The following POLR3K variants were observed in gnomAD, a reference collection of about 807,000 sequenced individuals.
POLR3K encodes RNA polymerase III subunit K.
In POLR3K, 11 loss-of-function variants were observed where a neutral mutation model predicts 13.5. The ratio of observed to expected loss-of-function variants is 0.81; its 90% CI spans 0.51 to 1.35. The LOEUF (loss-of-function observed/expected upper bound fraction) is 1.35. Ranked by LOEUF, POLR3K falls within the 40% of genes most tolerant of loss-of-function variation. The pLI is 0.00. For missense variants in POLR3K, 144 were observed against 145.3 expected (o/e 0.99, Z 0.05); for synonymous variants, 56 against 51.5 (o/e 1.09, Z -0.38).
At chr16:51,442 T>C in intron 2 of POLR3K, 116 bp downstream of exon 2, 1 of 769,770 alleles carries the variant, frequency 1.3e-6, no homozygotes, top group Non-Finnish European at 2.1e-6. Flanking sequence ...CAAGAACCAT[T>C]TTCTATTTTT....
At chr16:53,049 C>G (rs1361697708) in intron 1 of POLR3K, 2 of 169,286 alleles carry the variant, frequency 1.2e-5, no homozygotes, top group African/African-American at 4.8e-5. Context: ...GTTGATGCGG[C>G]AAAGGGCAAC....
intron 1 of POLR3K, among the ~76,000 whole-genome samples, chr16:52,605 A>T (rs1314096421): frequency 1.3e-5 from 2 of 151,320 alleles, no homozygotes; most frequent in Non-Finnish European, 2.9e-5. Context: ...CTCTACTAAA[A>T]ATACAAAAAA....
chr16:53,120 C>T (rs1416261513), intron 1 of POLR3K: 1 of 240,484 alleles, frequency 4.2e-6, no homozygotes, highest in Non-Finnish European at 8.0e-6. Context: ...AGTGTCGGAA[C>T]CTGGTAGGCC....
At chr16:53,447 C>T (rs756259540) in intron 1 of POLR3K, 29 bp downstream of exon 1, 1 of 1,429,630 alleles carries the variant, frequency 7.0e-7, no homozygotes, top group Non-Finnish European at 9.1e-7. Flanking sequence ...GAGAGTCGCC[C>T]GCGCCCAGCG....
Position 46,915 on chromosome 16 carries a change from T to C in POLR3K, c.*515A>G, listed in dbSNP as rs1471310365. On this transcript the variant is annotated 3_prime_UTR_variant, in exon 3 of 3. Transcript: ENST00000293860. Reference sequence around the variant, plus strand: ...TGTTCAAATGTAAGTATGTAGTCTATTCTGGGATCACTGTGATTTGGGGTT... The same window carrying C: ...TGTTCAAATGTAAGTATGTAGTCTACTCTGGGATCACTGTGATTTGGGGTT... 6.6e-6 allele frequency: 1 copy of C among 152,212 alleles called. No individual in the cohort carries two copies. Among genetic ancestry groups the C allele is most frequent in the African/African-American group, 2.4e-5 (1 of 41,440 alleles). The allele number at this position is 152,212 out of a possible 1,614,324, so 9.4% of individuals were successfully genotyped here.
chr16:47,413 G>C lies in POLR3K; in HGVS notation c.*17C>G, dbSNP rs1191690997. The C allele has an allele frequency of 1.2e-6, 2 of 1,610,452 alleles. No homozygotes were observed. Among genetic ancestry groups the C allele is most frequent in the Admixed American group, 1.7e-5 (1 of 59,836 alleles). ...GACAAGGCAAGCACACACTAGGGCAGCTGGGCCATCCTGGCCCTAATCCCT... is the reference window on the plus strand; with the variant it reads ...GACAAGGCAAGCACACACTAGGGCACCTGGGCCATCCTGGCCCTAATCCCT... On this transcript the variant is annotated 3_prime_UTR_variant, in exon 3 of 3. Transcript: ENST00000293860.
At chr16:50,749 C>T (rs190864648) in intron 2 of POLR3K, among the ~76,000 whole-genome samples, 188 of 152,286 alleles carry the variant, frequency 1.2e-3, no homozygotes, top group Non-Finnish European at 1.9e-3. Flanking sequence ...TCTGGAACTC[C>T]TGACCTCAAG....
At position 46,723 on chromosome 16, in the gene POLR3K, TAAATAAATAAATAAATAAATA is replaced by T. The variant is rs1897286405; in HGVS notation, c.*686_*706del. On this transcript the variant is annotated 3_prime_UTR_variant, in exon 3 of 3. Coordinates refer to ENST00000293860, the MANE Select transcript of POLR3K (RefSeq NM_016310.5). ...TGGGCGACAGAACAAGACTCTGTCT[TAAATAAATAAATAAATAAATA>T]AAATAAATAAATAAATAAATAGTAT... 3 of 109,164 alleles carry T rather than the reference TAAATAAATAAATAAATAAATA, an allele frequency of 2.7e-5. No individual in the cohort carries two copies. The highest frequency in any genetic ancestry group is 1.3e-4 in the African/African-American group (3 of 22,380). The allele number at this position is 109,164 out of a possible 1,614,324, so 6.8% of individuals were successfully genotyped here.
At chr16:49,540 G>A (rs1273071230) in intron 2 of POLR3K, among the ~76,000 whole-genome samples, 2 of 151,168 alleles carry the variant, frequency 1.3e-5, no homozygotes, top group African/African-American at 2.4e-5. Flanking sequence ...GCATGGTCTC[G>A]GCTCACTGCA....
chr16:47,409 G>A lies in POLR3K; in HGVS notation c.*21C>T, dbSNP rs76145220. 2 of 1,609,882 alleles carry A rather than the reference G, an allele frequency of 1.2e-6. No individual in the cohort carries two copies. Among genetic ancestry groups the A allele is most frequent in the East Asian group, 2.2e-5 (1 of 44,706 alleles). ...GAGGGACAAGGCAAGCACACACTAG[G>A]GCAGCTGGGCCATCCTGGCCCTAAT... is the stretch of plus-strand genomic sequence containing the variant. On this transcript the variant is annotated 3_prime_UTR_variant, in exon 3 of 3. Coordinates refer to ENST00000293860, the MANE Select transcript of POLR3K (RefSeq NM_016310.5).
Position 46,779 on chromosome 16 carries a change from T to G in POLR3K, c.*651A>C, listed in dbSNP as rs893542798. 3 of 151,854 alleles carry G rather than the reference T, an allele frequency of 2.0e-5. No homozygotes were observed. The highest frequency in any genetic ancestry group is 7.3e-5 in the African/African-American group (3 of 41,376). The allele number at this position is 151,854 out of a possible 1,614,324, so 9.4% of individuals were successfully genotyped here. A position where few individuals can be genotyped will look rare whatever the true frequency, so the allele number is the denominator to read the frequency against. On this transcript the variant is annotated 3_prime_UTR_variant, in exon 3 of 3. Coordinates refer to ENST00000293860, the MANE Select transcript of POLR3K (RefSeq NM_016310.5). ...AATAAATAAATAGTATCTTATACAT[T>G]TAAAGCAACCCGAGGAAGCAAATCA...
chr16:48,768 G>A (rs1224555217), intron 2 of POLR3K, among the ~76,000 whole-genome samples: 3 of 150,172 alleles, frequency 2.0e-5, no homozygotes, highest in South Asian at 2.1e-4. Flanking sequence ...CCGAGATCGC[G>A]CCACTGCACT....
chr16:48,151 A>C (rs1249023233), intron 2 of POLR3K, among the ~76,000 whole-genome samples: 1 of 151,578 alleles, frequency 6.6e-6, no homozygotes, highest in African/African-American at 2.4e-5. Context: ...CAACCTCCCA[A>C]AGTGCTGGGA....
rs1466597236 is a variant in POLR3K at position 52,782 on chromosome 16, A to T, written c.111+694T>A. On this transcript the variant is annotated intron_variant, in intron 1 of 2. Coordinates refer to ENST00000293860, the MANE Select transcript of POLR3K (RefSeq NM_016310.5). ...CTCCGTCTCAAAAAAAAAAAAAAAA[A>T]AAAAAAAAAAAAACAATAAAAAAAA... 1.2e-3 allele frequency among the ~76,000 whole-genome samples: 29 copies of T among 24,900 alleles called. 1 individual carries two copies. Among genetic ancestry groups the T allele is most frequent in the African/African-American group, 3.7e-3 (26 of 6,994 alleles). 16.3% of individuals were successfully genotyped at this position (24,900 alleles called of 152,430 possible).
intron 2 of POLR3K, among the ~76,000 whole-genome samples, chr16:49,590 C>T (rs1897314004): frequency 6.6e-6 from 1 of 151,662 alleles, no homozygotes; most frequent in Non-Finnish European, 1.5e-5. Flanking sequence ...CTGCCTCAGC[C>T]TCCTGAGTAG....
At position 53,467 on chromosome 16, in the gene POLR3K, G is replaced by A; in HGVS notation, c.111+9C>T. ...TCGCCCGCGCCCAGCGCCGGCCTTC[G>A]GGTCCCACCTTGCGGGTGATGTTGT... On this transcript the variant is annotated intron_variant, in intron 1 of 2. Coordinates refer to ENST00000293860, the MANE Select transcript of POLR3K (RefSeq NM_016310.5). 1 of 1,604,562 alleles carries A rather than the reference G, an allele frequency of 6.2e-7. No homozygotes were observed. Among genetic ancestry groups the A allele is most frequent in the Non-Finnish European group, 8.5e-7 (1 of 1,175,080 alleles).
In POLR3K at chr16:46,727, TAAATAAATAAATAAATA is replaced by T. The variant is rs919298841; in HGVS notation, c.*686_*702del. Reference sequence around the variant, plus strand: ...CGACAGAACAAGACTCTGTCTTAAATAAATAAATAAATAAATAAAATAAATAAATAAATAAATAGTAT... The same window carrying T: ...CGACAGAACAAGACTCTGTCTTAAATAAATAAATAAATAAATAAATAGTAT... On this transcript the variant is annotated 3_prime_UTR_variant, in exon 3 of 3. Coordinates refer to ENST00000293860, the MANE Select transcript of POLR3K (RefSeq NM_016310.5). The T allele has an allele frequency of 6.3e-5, 7 of 110,442 alleles. No homozygotes were observed. Among genetic ancestry groups the T allele is most frequent in the South Asian group, 2.8e-4 (1 of 3,524 alleles). 6.8% of individuals were successfully genotyped at this position (110,442 alleles called of 1,614,324 possible).
intron 1 of POLR3K, chr16:53,233 G>C (rs1596458956): frequency 1.4e-6 from 1 of 703,760 alleles, no homozygotes; most frequent in East Asian, 3.3e-5. Context: ...AATCACCGTG[G>C]CCGCCGCTGT....
At chr16:53,124 G>C in intron 1 of POLR3K, 1 of 249,860 alleles carries the variant, frequency 4.0e-6, no homozygotes, top group East Asian at 8.4e-5. Flanking sequence ...TCGGAACCTG[G>C]TAGGCCCTGG....
Sources: allele counts gnomAD v4.1 joint callset (sites outside exome capture counted in the v4.1 genomes callset), GRCh38; gene constraint gnomAD v4.1.1; transcripts MANE v1.5; gene names NCBI Gene and HGNC (gene_info 2026-07-23, HGNC 2026-07-21).